Variants in TENM3 observed in about 807,000 individuals in gnomAD.
TENM3 encodes teneurin-3.
A neutral mutation model predicts 255.1 loss-of-function variants in TENM3; 63 were observed. The observed-to-expected ratio is 0.25, with a 90% CI of 0.20 to 0.30. The LOEUF is 0.30. Among genes scored for constraint, TENM3 ranks in the 10% least tolerant of loss-of-function variants. The probability of loss-of-function intolerance (pLI) is 1.00; values close to 1 mark genes in which losing one functional copy is unlikely to be tolerated. For missense variants in TENM3, 2,929 were observed against 3,461.1 expected, an observed-to-expected ratio of 0.85 and a Z score of 3.86; for synonymous variants, 1,306 against 1,322.3, an observed-to-expected ratio of 0.99 and a Z score of 0.27.
At chr4:181,910,926 T>G in the TENM3 span, among the ~76,000 whole-genome samples, 1 of 152,166 alleles carries the variant, frequency 6.6e-6, no homozygotes, top group Non-Finnish European at 1.5e-5. Flanking sequence ...TTTCATTAGC[T>G]TTTTCCAGTT....
At chr4:181,467,453 T>A in the TENM3 span, among the ~76,000 whole-genome samples, 2 of 151,812 alleles carry the variant, frequency 1.3e-5, no homozygotes, top group African/African-American at 4.8e-5. Context: ...TATGTTTAAA[T>A]CACCATGTTA....
rs146165944 is a variant in TENM3, at chr4:182,195,499, G to C, written c.-76+50745G>C. 7.1e-3 allele frequency among the ~76,000 whole-genome samples: 1,082 copies of C among 152,186 alleles called. 18 individuals carry two copies. The highest frequency in any genetic ancestry group is 0.049 in the East Asian group (255 of 5,156). ...ACAAAAAATAGAAAAAATTAGCTGA[G>C]CATGGTGGTGCACGCCTGTGGTCCC... On this transcript the variant is annotated intron_variant, in intron 1 of 2. Transcript: ENST00000512480.
At chr4:181,617,396 A>G in the TENM3 span, among the ~76,000 whole-genome samples, 1 of 152,354 alleles carries the variant, frequency 6.6e-6, no homozygotes, top group Non-Finnish European at 1.5e-5. Flanking sequence ...AAGGAAGGGA[A>G]TATTTCTAGA....
chr4:182,356,115 G>A (rs367825858), intron 3 of TENM3, among the ~76,000 whole-genome samples: 74 of 151,208 alleles, frequency 4.9e-4, no homozygotes, highest in African/African-American at 1.6e-3. Context: ...TAAAAGAAAC[G>A]AAGGACCTTT....
chr4:181,888,588 A>AAGCGTGTG, the TENM3 span, among the ~76,000 whole-genome samples: 6 of 16,042 alleles, frequency 3.7e-4, no homozygotes, highest in African/African-American at 1.7e-3. Flanking sequence ...ACATATATAT[A>AAGCGTGTG]TGCGTGTGTG....
chr4:182,466,751 C>T (rs555497179), intron 3 of TENM3, among the ~76,000 whole-genome samples: 5 of 152,072 alleles, frequency 3.3e-5, no homozygotes, highest in Admixed American at 2.0e-4. Flanking sequence ...GGTCACATTC[C>T]GAGCTTCTTG....
At chr4:182,149,419 A>G (rs1425909483) in intron 1 of TENM3, among the ~76,000 whole-genome samples, 2 of 152,018 alleles carry the variant, frequency 1.3e-5, no homozygotes, top group Non-Finnish European at 2.9e-5. Context: ...GCCTAGCTAG[A>G]ACAGCTACAT....
intron 22 of TENM3, among the ~76,000 whole-genome samples, chr4:182,760,920 T>A (rs767184966): frequency 6.6e-6 from 1 of 152,138 alleles, no homozygotes; most frequent in Non-Finnish European, 1.5e-5. Flanking sequence ...TATTTCAAGT[T>A]CAAAACTGTA....
At chr4:181,503,073 T>C in the TENM3 span, among the ~76,000 whole-genome samples, 1 of 152,152 alleles carries the variant, frequency 6.6e-6, no homozygotes, top group African/African-American at 2.4e-5. Context: ...TAAAATATGA[T>C]CATTCAGCTG....
intron 3 of TENM3, among the ~76,000 whole-genome samples, chr4:182,579,469 T>A (rs2152352531): frequency 6.6e-6 from 1 of 152,238 alleles, no homozygotes; most frequent in African/African-American, 2.4e-5. Flanking sequence ...GTCACCAAAC[T>A]TTTGAGTAGA....
At chr4:182,111,045 A>T in the TENM3 span, among the ~76,000 whole-genome samples, 2 of 152,184 alleles carry the variant, frequency 1.3e-5, no homozygotes, top group East Asian at 1.9e-4. Context: ...TCAATTTTTT[A>T]AAATCCGAAG....
the TENM3 span, among the ~76,000 whole-genome samples, chr4:181,771,682 A>G: frequency 6.6e-6 from 1 of 152,206 alleles, no homozygotes; most frequent in African/African-American, 2.4e-5. Flanking sequence ...TTCAGTGTAC[A>G]CACAAATCAA....
the TENM3 span, among the ~76,000 whole-genome samples, chr4:181,554,018 CCT>C: frequency 2.9e-4 from 44 of 152,176 alleles, no homozygotes; most frequent in Admixed American, 4.6e-4. Context: ...CCTTTTTTCC[CCT>C]GTCTTCCCTC....
the TENM3 span, among the ~76,000 whole-genome samples, chr4:181,872,328 CTTTTA>C: frequency 1.2e-4 from 15 of 126,434 alleles, no homozygotes; most frequent in Admixed American, 9.2e-4. Flanking sequence ...TTTTTTTAAA[CTTTTA>C]TTTTAAGTTC....
At chr4:182,256,026 C>A (rs990299159) in intron 1 of TENM3, among the ~76,000 whole-genome samples, 2 of 152,180 alleles carry the variant, frequency 1.3e-5, no homozygotes, top group African/African-American at 2.4e-5. Context: ...CCATTAAGGG[C>A]GTATTGCACA....
At chr4:181,661,131 G>T in the TENM3 span, among the ~76,000 whole-genome samples, 1 of 152,244 alleles carries the variant, frequency 6.6e-6, no homozygotes, top group Non-Finnish European at 1.5e-5. Flanking sequence ...AATTTTGGAA[G>T]TAAAATGCTA....
intron 13 of TENM3, among the ~76,000 whole-genome samples, chr4:182,725,970 C>A: frequency 6.6e-6 from 1 of 151,982 alleles, no homozygotes; most frequent in East Asian, 1.9e-4. Context: ...TAGCTTTTTT[C>A]CAGAGAAATA....
rs1561030083 is a variant in TENM3 at position 182,630,778 on chromosome 4, T to TA, written c.988+1889_988+1890insA. Among the ~76,000 whole-genome samples, 431 of 147,258 alleles carry TA rather than the reference T, an allele frequency of 2.9e-3. 10 individuals are homozygous for TA. The highest frequency in any genetic ancestry group is 0.025 in the Admixed American group (353 of 14,230). On this transcript the variant is annotated intron_variant, in intron 5 of 27. Transcript: ENST00000511685. ...ATTTTATTTTATTATTATTATTTTTTTTTTACTAAATGGGGCACACCAGGT... is the reference window on the plus strand; with the variant it reads ...ATTTTATTTTATTATTATTATTTTTTATTTTACTAAATGGGGCACACCAGGT...
chr4:182,353,921 T>A (rs4079080), intron 3 of TENM3, among the ~76,000 whole-genome samples: 1 of 151,644 alleles, frequency 6.6e-6, no homozygotes, highest in Non-Finnish European at 1.5e-5. Flanking sequence ...GCCGAGATCG[T>A]GCCACTGCAC....
Sources: allele counts gnomAD v4.1 joint callset (sites outside exome capture counted in the v4.1 genomes callset), GRCh38; gene constraint gnomAD v4.1.1; transcripts MANE v1.5; gene names NCBI Gene and HGNC (gene_info 2026-07-23, HGNC 2026-07-21).